The following DAB1 variants were observed in gnomAD, a reference collection of about 807,000 sequenced individuals.
DAB1 encodes disabled homolog 1.
A neutral mutation model predicts 64.6 loss-of-function variants in DAB1; 15 were observed. That is an observed-to-expected ratio of 0.23 (90% CI 0.16 to 0.36). The LOEUF is 0.36. Among genes scored for constraint, DAB1 ranks in the 10% least tolerant of loss-of-function variants. The pLI, the probability that DAB1 is intolerant of heterozygous loss-of-function variation, is 1.00. For synonymous variants in DAB1, 235 were observed against 251.9 expected, an observed-to-expected ratio of 0.93 and a Z score of 0.64; for missense variants, 596 against 706.7, an observed-to-expected ratio of 0.84 and a Z score of 1.78.
intron 3 of DAB1, among the ~76,000 whole-genome samples, chr1:58,449,247 A>C (rs925796339): frequency 1.3e-5 from 2 of 152,176 alleles, no homozygotes; most frequent in Non-Finnish European, 2.9e-5. Context: ...CTTGAGGATA[A>C]CTGGTCAATC....
intron 5 of DAB1, among the ~76,000 whole-genome samples, chr1:58,028,086 C>T (rs1646920083): frequency 6.6e-6 from 1 of 152,184 alleles, no homozygotes; most frequent in South Asian, 2.1e-4. Context: ...CATAGAACAT[C>T]AATACACTAG....
intron 3 of DAB1, among the ~76,000 whole-genome samples, chr1:58,375,305 T>C (rs1321017771): frequency 7.0e-6 from 1 of 143,522 alleles, no homozygotes; most frequent in South Asian, 2.3e-4. Flanking sequence ...CAGTATGATA[T>C]TGGCTGTGGG....
At chr1:57,578,094 T>G (rs1255018680) in intron 7 of DAB1, among the ~76,000 whole-genome samples, 1 of 152,218 alleles carries the variant, frequency 6.6e-6, no homozygotes, top group African/African-American at 2.4e-5. Flanking sequence ...TCTGGCATTT[T>G]CATTTATCAT....
intron 3 of DAB1, among the ~76,000 whole-genome samples, chr1:58,400,228 A>G (rs1644557790): frequency 6.6e-6 from 1 of 151,390 alleles, no homozygotes; most frequent in Non-Finnish European, 1.5e-5. Flanking sequence ...CTATATGGCA[A>G]GCAGAAGATG....
chr1:57,829,723 G>GC (rs1198643971), intron 1 of DAB1, among the ~76,000 whole-genome samples: 1 of 152,044 alleles, frequency 6.6e-6, no homozygotes, highest in East Asian at 1.9e-4. Flanking sequence ...TGCTCAGCCC[G>GC]CCCCCTTCCA....
chr1:57,429,388 T>C (rs1002402392), intron 7 of DAB1, among the ~76,000 whole-genome samples: 2 of 152,222 alleles, frequency 1.3e-5, no homozygotes, highest in Non-Finnish European at 2.9e-5. Flanking sequence ...TTTTGAGTAT[T>C]AACCCCTTAT....
chr1:57,945,448 TATTA>T (rs780845431), intron 5 of DAB1, among the ~76,000 whole-genome samples: 10 of 150,760 alleles, frequency 6.6e-5, no homozygotes, highest in Admixed American at 2.7e-4. Flanking sequence ...TTATTATTAT[TATTA>T]TTATTTTGGC....
chr1:58,241,439 A>G (rs494214), intron 4 of DAB1, among the ~76,000 whole-genome samples: 99,529 of 151,854 alleles, frequency 0.66, 32,885 homozygotes, highest in South Asian at 0.72. Context: ...CCCTAAATAC[A>G]ATGTCCTGGA....
At chr1:58,458,968 G>A (rs1277451746) in intron 3 of DAB1, among the ~76,000 whole-genome samples, 1 of 152,160 alleles carries the variant, frequency 6.6e-6, no homozygotes, top group African/African-American at 2.4e-5. Flanking sequence ...AGGTAGAGAT[G>A]AGTGGTGAGA....
At chr1:57,810,434 TA>T (rs1017130959) in intron 6 of DAB1, among the ~76,000 whole-genome samples, 4 of 152,070 alleles carry the variant, frequency 2.6e-5, no homozygotes, top group Non-Finnish European at 4.4e-5. Flanking sequence ...ATATGTGAAA[TA>T]ACTGTGTGTG....
intron 6 of DAB1, among the ~76,000 whole-genome samples, chr1:57,775,179 G>A (rs1293723868): frequency 2.0e-5 from 3 of 151,148 alleles, no homozygotes; most frequent in African/African-American, 7.3e-5. Flanking sequence ...ATAATTATAT[G>A]TTTATTAAAG....
At chr1:57,801,938 G>A (rs1235618802) in intron 6 of DAB1, among the ~76,000 whole-genome samples, 4 of 152,180 alleles carry the variant, frequency 2.6e-5, no homozygotes, top group Non-Finnish European at 5.9e-5. Context: ...GATTATATGT[G>A]TGAACCACTG....
chr1:57,346,595 C>T (rs563695417), intron 1 of DAB1, among the ~76,000 whole-genome samples: 1 of 152,214 alleles, frequency 6.6e-6, no homozygotes, highest in African/African-American at 2.4e-5. Context: ...ATTGTCATCT[C>T]AGTATACCAA....
chr1:58,005,353 T>C (rs935126985), intron 5 of DAB1, among the ~76,000 whole-genome samples: 4 of 152,088 alleles, frequency 2.6e-5, no homozygotes, highest in African/African-American at 9.7e-5. Flanking sequence ...AATTTGAGAC[T>C]GGGAGCAGAG....
At chr1:57,027,336 C>T (rs1000448952) in intron 9 of DAB1, among the ~76,000 whole-genome samples, 24 of 152,270 alleles carry the variant, frequency 1.6e-4, no homozygotes, top group Admixed American at 8.5e-4. Context: ...CCCAAGGGCA[C>T]AACCACCTCG....
intron 4 of DAB1, among the ~76,000 whole-genome samples, chr1:58,196,157 G>A (rs1657664627): frequency 6.6e-6 from 1 of 152,164 alleles, no homozygotes; most frequent in Non-Finnish European, 1.5e-5. Flanking sequence ...TATTCAACCA[G>A]CAGATGGAAA....
intron 4 of DAB1, among the ~76,000 whole-genome samples, chr1:57,111,828 T>C (rs1364509754): frequency 1.3e-5 from 2 of 152,240 alleles, no homozygotes; most frequent in African/African-American, 4.8e-5. Context: ...AGGTGATCAA[T>C]ACATAGTTGC....
In DAB1 at chr1:57,015,216, T is replaced by C. The variant is rs1646387229; in HGVS notation, c.1111A>G (p.Thr371Ala). The change falls in exon 12 of 15, where the codon ACT becomes GCT. Residue 371 changes from threonine (T) to alanine (A), a missense_variant. Thr to Ala is a moderately conservative substitution (Grantham distance 58). This residue lies in a region of DAB1 where 377 missense variants were observed against 400.4 expected (regional missense o/e 0.94). Coordinates refer to ENST00000371236, the MANE Select transcript of DAB1 (RefSeq NM_001365792.1). ...ATGGCAGCTGGCAAAGGCATAACAG[T>C]TTGTGTGGGCATGAAGGCGGCTGGC... is the stretch of plus-strand genomic sequence containing the variant. Reference protein sequence around the residue: ...FPPAAFMPTQTVMPLPAAMFQ... With the variant: ...FPPAAFMPTQAVMPLPAAMFQ... The C allele has an allele frequency of 6.2e-7, 1 of 1,613,506 alleles. No homozygotes were observed. Among genetic ancestry groups the C allele is most frequent in the Non-Finnish European group, 8.5e-7 (1 of 1,179,872 alleles).
rs1420235120 is a variant in DAB1 at position 58,300,669 on chromosome 1, G to A, written n.309+42683C>T. 1.4e-4 allele frequency among the ~76,000 whole-genome samples: 19 copies of A among 131,154 alleles called. 1 individual carries two copies. The highest frequency in any genetic ancestry group is 5.6e-4 in the African/African-American group (18 of 32,276). The allele number at this position is 131,154 out of a possible 152,430, so 86.0% of individuals were successfully genotyped here. ...GAGAGGAAGGAAGGAAGGAAGGAAG[G>A]AAGGAAGGAAGGAAGGAAGGAAGGA... On this transcript the variant is annotated intron_variant and non_coding_transcript_variant, in intron 4 of 20. Coordinates refer to the DAB1 transcript ENST00000485760.
Sources: allele counts gnomAD v4.1 joint callset (sites outside exome capture counted in the v4.1 genomes callset), GRCh38; gene constraint gnomAD v4.1.1; regional missense constraint gnomAD v4.1.1; transcripts MANE v1.5; gene names NCBI Gene and HGNC (gene_info 2026-07-23, HGNC 2026-07-21).